The following CADPS2 variants were observed in gnomAD, a reference collection of about 807,000 sequenced individuals.
The protein encoded by CADPS2 is calcium dependent secretion activator 2.
A neutral mutation model predicts 172.5 loss-of-function variants in CADPS2; 93 were observed. That is an observed-to-expected ratio of 0.54 (90% CI 0.46 to 0.64). CADPS2 has a LOEUF of 0.64. Ranked by LOEUF, CADPS2 falls within the 30% of genes least tolerant of loss-of-function variation. The pLI is 0.00. For missense variants in CADPS2, 1,420 were observed against 1,565.9 expected, an observed-to-expected ratio of 0.91 and a Z score of 1.57; for synonymous variants, 546 against 555.2, an observed-to-expected ratio of 0.98 and a Z score of 0.23.
At chr7:122,372,750 T>C (rs2041919849) in intron 25 of CADPS2, among the ~76,000 whole-genome samples, 1 of 152,226 alleles carries the variant, frequency 6.6e-6, no homozygotes, top group South Asian at 2.1e-4. Flanking sequence ...AATTTGACAG[T>C]GTAGTAACAG....
At chr7:122,654,911 T>C (rs1196208206) in intron 3 of CADPS2, among the ~76,000 whole-genome samples, 2 of 152,204 alleles carry the variant, frequency 1.3e-5, no homozygotes, top group Admixed American at 1.3e-4. Flanking sequence ...GAAGTTAAAA[T>C]GTCAACATGA....
rs921648236 is a variant in CADPS2 at position 122,435,827 on chromosome 7, T to TA, written c.2476+2513dup. Among the ~76,000 whole-genome samples the TA allele has an allele frequency of 2.7e-4, 41 of 152,002 alleles. 1 individual carries two copies. Among genetic ancestry groups the TA allele is most frequent in the African/African-American group, 9.2e-4 (38 of 41,406 alleles). Reference sequence around the variant, plus strand: ...CATACAATAGAATATTATTCAGCCTTAAAAAAACAAATTTCTGGCTTAATA... The same window carrying TA: ...CATACAATAGAATATTATTCAGCCTTAAAAAAAACAAATTTCTGGCTTAATA... On this transcript the variant is annotated intron_variant, in intron 17 of 29. Transcript: ENST00000449022.
At chr7:122,632,529 C>G (rs1461429899) in intron 3 of CADPS2, among the ~76,000 whole-genome samples, 1 of 152,066 alleles carries the variant, frequency 6.6e-6, no homozygotes, top group African/African-American at 2.4e-5. Context: ...TGATCATGTC[C>G]TTTGCCCATT....
At chr7:122,705,964 A>AATATATAAT (rs1402363297) in intron 2 of CADPS2, among the ~76,000 whole-genome samples, 1 of 1,596 alleles carries the variant, frequency 6.3e-4, no homozygotes, top group Non-Finnish European at 3.5e-3. Context: ...ATATATATAT[A>AATATATAAT]ATATAATATA....
chr7:122,734,371 A>G (rs964715397), intron 2 of CADPS2, among the ~76,000 whole-genome samples: 4 of 105,478 alleles, frequency 3.8e-5, no homozygotes, highest in African/African-American at 9.3e-5. Flanking sequence ...AAAAAAAAAA[A>G]AAAAAAAAAA....
intron 1 of CADPS2, among the ~76,000 whole-genome samples, chr7:122,871,033 T>A (rs184368029): frequency 4.6e-5 from 7 of 152,132 alleles, no homozygotes; most frequent in African/African-American, 1.4e-4. Context: ...TATTAATCAC[T>A]TTATTGATGA....
intron 1 of CADPS2, among the ~76,000 whole-genome samples, chr7:122,796,389 T>C (rs1796376719): frequency 1.3e-5 from 2 of 151,622 alleles, no homozygotes; most frequent in African/African-American, 4.8e-5. Flanking sequence ...AAAATTCATA[T>C]GGAGCCCAAA....
At chr7:122,495,380 C>G (rs545038676) in intron 9 of CADPS2, among the ~76,000 whole-genome samples, 1 of 152,182 alleles carries the variant, frequency 6.6e-6, no homozygotes, top group East Asian at 1.9e-4. Flanking sequence ...GAAATGTGTA[C>G]CACATACAAG....
chr7:122,329,147 C>T (rs2034470455), intron 28 of CADPS2, among the ~76,000 whole-genome samples: 4 of 152,170 alleles, frequency 2.6e-5, no homozygotes. Flanking sequence ...GCTTGCAGTT[C>T]ATCAGCTTTC....
intron 20 of CADPS2, among the ~76,000 whole-genome samples, chr7:122,401,372 T>A (rs971449219): frequency 1.3e-5 from 2 of 152,200 alleles, no homozygotes; most frequent in African/African-American, 2.4e-5. Context: ...CCCAATAGAA[T>A]GGTCATTTGC....
At chr7:122,373,109 T>G (rs1318851155) in intron 25 of CADPS2, among the ~76,000 whole-genome samples, 2 of 152,230 alleles carry the variant, frequency 1.3e-5, no homozygotes, top group Non-Finnish European at 2.9e-5. Context: ...CAGTAGGTAC[T>G]TCATAACTCT....
At chr7:122,681,778 AAT>A in intron 2 of CADPS2, 1 of 510,934 alleles carries the variant, frequency 2.0e-6, no homozygotes, top group Admixed American at 3.7e-5. Flanking sequence ...TCTAAAAAAA[AAT>A]AAATAAAAAT....
At chr7:122,713,750 C>T (rs772983008) in intron 2 of CADPS2, among the ~76,000 whole-genome samples, 2 of 151,864 alleles carry the variant, frequency 1.3e-5, no homozygotes, top group Non-Finnish European at 2.9e-5. Flanking sequence ...TATTTGAATG[C>T]ACATTAGGGA....
chr7:122,502,046 T>A (rs1336753219), intron 9 of CADPS2, among the ~76,000 whole-genome samples: 3 of 152,118 alleles, frequency 2.0e-5, no homozygotes, highest in African/African-American at 7.2e-5. Context: ...ACCTCTTAAT[T>A]TCTGGCAAAG....
chr7:122,590,666 T>C (rs1392824211), intron 6 of CADPS2, among the ~76,000 whole-genome samples: 1 of 151,798 alleles, frequency 6.6e-6, no homozygotes, highest in East Asian at 1.9e-4. Flanking sequence ...TTTAAACTTC[T>C]CTTAAACATA....
chr7:122,851,824 C>T (rs1442086588), intron 1 of CADPS2, among the ~76,000 whole-genome samples: 2 of 152,266 alleles, frequency 1.3e-5, no homozygotes, highest in South Asian at 2.1e-4. Context: ...TAGATCCCTC[C>T]CACAACACAT....
At chr7:122,648,170 C>T (rs1314707182) in intron 3 of CADPS2, among the ~76,000 whole-genome samples, 1 of 152,082 alleles carries the variant, frequency 6.6e-6, no homozygotes, top group African/African-American at 2.4e-5. Context: ...ATGCCTCACT[C>T]TCTAGTTCTT....
intron 2 of CADPS2, among the ~76,000 whole-genome samples, chr7:122,722,923 A>T (rs2090623549): frequency 6.6e-6 from 1 of 152,082 alleles, no homozygotes; most frequent in African/African-American, 2.4e-5. Context: ...AAAACAAGCA[A>T]TGGGTAAACG....
intron 8 of CADPS2, among the ~76,000 whole-genome samples, chr7:122,518,368 C>T (rs951427520): frequency 5.3e-5 from 8 of 151,874 alleles, no homozygotes; most frequent in African/African-American, 1.5e-4. Flanking sequence ...TTAAATGTAA[C>T]CATTTATTTG....
Sources: allele counts gnomAD v4.1 joint callset (sites outside exome capture counted in the v4.1 genomes callset), GRCh38; gene constraint gnomAD v4.1.1; transcripts MANE v1.5; gene names NCBI Gene and HGNC (gene_info 2026-07-23, HGNC 2026-07-21).